Variants in CALN1 observed in about 807,000 individuals in gnomAD.
CALN1 encodes calneuron 1, also known as calcium-binding protein 8.
In CALN1, 17 loss-of-function variants were observed where a neutral mutation model predicts 30.6. That is an observed-to-expected ratio of 0.56 (90% CI 0.38 to 0.83). The LOEUF is 0.83. Among genes scored for constraint, CALN1 ranks in the 40% least tolerant of loss-of-function variants. The pLI, the probability that CALN1 is intolerant of heterozygous loss-of-function variation, is 0.00. For synonymous variants in CALN1, 156 were observed against 131.4 expected (o/e 1.19, Z -1.28); for missense variants, 291 against 354.9 (o/e 0.82, Z 1.45).
At chr7:72,281,461 A>G (rs1373421274) in intron 2 of CALN1, among the ~76,000 whole-genome samples, 2 of 152,206 alleles carry the variant, frequency 1.3e-5, no homozygotes, top group Admixed American at 1.3e-4. Context: ...TCCCACACAC[A>G]GTGAGCCTCA....
intron 1 of CALN1, among the ~76,000 whole-genome samples, chr7:72,433,414 T>C (rs10215558): frequency 2.9e-3 from 437 of 152,182 alleles, no homozygotes; most frequent in African/African-American, 1.0e-2. Context: ...CCAAGAGTTC[T>C]CCCACACTGG....
intron 5 of CALN1, among the ~76,000 whole-genome samples, chr7:71,823,452 G>C (rs887891535): frequency 6.6e-6 from 1 of 152,212 alleles, no homozygotes; most frequent in Non-Finnish European, 1.5e-5. Context: ...GGGAGCGGTG[G>C]CTCACGCCTG....
chr7:71,827,459 C>T (rs1033786307), intron 5 of CALN1, among the ~76,000 whole-genome samples: 1 of 152,030 alleles, frequency 6.6e-6, no homozygotes, highest in Admixed American at 6.6e-5. Context: ...GGTTAAATAA[C>T]GTAGGCAAAG....
At chr7:72,310,867 C>T (rs1799990064) in intron 2 of CALN1, among the ~76,000 whole-genome samples, 1 of 145,900 alleles carries the variant, frequency 6.9e-6, no homozygotes, top group Non-Finnish European at 1.5e-5. Context: ...CACGCCACTG[C>T]ACTCTGTCGC....
chr7:72,235,281 A>C (rs1460977910), intron 3 of CALN1, among the ~76,000 whole-genome samples: 6 of 151,970 alleles, frequency 3.9e-5, no homozygotes, highest in Non-Finnish European at 8.8e-5. Context: ...CTCAAAAATA[A>C]ATAAATAAAT....
At chr7:72,129,537 G>A (rs1808996029) in intron 3 of CALN1, among the ~76,000 whole-genome samples, 1 of 152,142 alleles carries the variant, frequency 6.6e-6, no homozygotes, top group Admixed American at 6.5e-5. Flanking sequence ...AGTGATATTG[G>A]TTCTGTGGGG....
At chr7:71,895,337 T>C (rs1435806482) in intron 5 of CALN1, among the ~76,000 whole-genome samples, 7 of 152,074 alleles carry the variant, frequency 4.6e-5, no homozygotes, top group Non-Finnish European at 1.0e-4. Context: ...TGAGACAGAG[T>C]CTCGCTCTGT....
intron 3 of CALN1, among the ~76,000 whole-genome samples, chr7:72,202,588 G>C (rs779164196): frequency 1.3e-5 from 2 of 152,064 alleles, no homozygotes; most frequent in Non-Finnish European, 2.9e-5. Flanking sequence ...GTGATAGAAA[G>C]TTCAGGAAAA....
chr7:72,257,665 G>A (rs1050827820), intron 3 of CALN1, among the ~76,000 whole-genome samples: 2 of 152,168 alleles, frequency 1.3e-5, no homozygotes, highest in South Asian at 2.1e-4. Flanking sequence ...AAGCACACAC[G>A]TTTATAGCAG....
chr7:72,181,054 C>T (rs985693372), intron 3 of CALN1, among the ~76,000 whole-genome samples: 14 of 147,942 alleles, frequency 9.5e-5, no homozygotes, highest in Admixed American at 2.7e-4. Flanking sequence ...GCCACGATCA[C>T]GCCACTGCAC....
the CALN1 span, among the ~76,000 whole-genome samples, chr7:72,463,803 C>G: frequency 4.1e-4 from 62 of 152,062 alleles, no homozygotes; most frequent in African/African-American, 1.4e-3. Context: ...TCAAGCAATC[C>G]TCCCACCTCA....
intron 3 of CALN1, among the ~76,000 whole-genome samples, chr7:72,188,822 G>A (rs188533467): frequency 1.3e-5 from 2 of 152,252 alleles, no homozygotes; most frequent in African/African-American, 4.8e-5. Flanking sequence ...GTGTGTGTCC[G>A]TCTTTCTCCC....
intron 1 of CALN1, among the ~76,000 whole-genome samples, chr7:72,430,914 C>G (rs974852416): frequency 6.6e-6 from 1 of 151,926 alleles, no homozygotes; most frequent in Admixed American, 6.6e-5. Flanking sequence ...ATTCCTCGCC[C>G]AGTGCTCACA....
chr7:72,186,777 G>A (rs770372565), intron 3 of CALN1, among the ~76,000 whole-genome samples: 40 of 151,866 alleles, frequency 2.6e-4, no homozygotes, highest in Admixed American at 9.9e-4. Context: ...ATTCTATGGC[G>A]CACATGTACC....
intron 3 of CALN1, among the ~76,000 whole-genome samples, chr7:72,159,986 T>C (rs1234589193): frequency 6.6e-6 from 1 of 152,094 alleles, no homozygotes; most frequent in Non-Finnish European, 1.5e-5. Context: ...TGTGGACAAC[T>C]TGGAGGTTCC....
intron 4 of CALN1, among the ~76,000 whole-genome samples, chr7:72,051,834 G>A (rs183911477): frequency 6.6e-6 from 1 of 152,268 alleles, no homozygotes; most frequent in African/African-American, 2.4e-5. Flanking sequence ...AAACAGTGCT[G>A]GGGAAAATAC....
At chr7:72,083,996 G>A (rs1805322892) in intron 4 of CALN1, among the ~76,000 whole-genome samples, 1 of 151,838 alleles carries the variant, frequency 6.6e-6, no homozygotes, top group African/African-American at 2.4e-5. Context: ...ATCACTTAAG[G>A]TCTGGAGCTC....
chr7:72,230,496 A>G lies in CALN1; in HGVS notation c.244+48190T>C, dbSNP rs1286303596. Among the ~76,000 whole-genome samples the G allele has an allele frequency of 4.0e-5, 6 of 150,684 alleles. No homozygotes were observed. The East Asian group carries it at 1.2e-3, about 29-fold the overall frequency. On this transcript the variant is annotated intron_variant, in intron 3 of 6. Transcript: ENST00000395275. ...GCACCCCAGCCTGGGCAAAAGAGTG[A>G]GGCCCTGTCTTGAGAAAAAAAAAAA...
intron 2 of CALN1, among the ~76,000 whole-genome samples, chr7:72,382,667 A>C (rs1160444792): frequency 1.3e-5 from 2 of 152,046 alleles, no homozygotes; most frequent in African/African-American, 4.8e-5. Flanking sequence ...CTTTATGTAC[A>C]CATGTACCCA....
Sources: allele counts gnomAD v4.1 joint callset (sites outside exome capture counted in the v4.1 genomes callset), GRCh38; gene constraint gnomAD v4.1.1; transcripts MANE v1.5; gene names NCBI Gene and HGNC (gene_info 2026-07-23, HGNC 2026-07-21).